The following KSR2 variants were observed in gnomAD, a reference collection of about 807,000 sequenced individuals.
KSR2 encodes kinase suppressor of ras 2.
In KSR2, 25 loss-of-function variants were observed where a neutral mutation model predicts 107.8. That is an observed-to-expected ratio of 0.23 (90% confidence interval 0.17 to 0.32). The LOEUF is 0.32. Among genes scored for constraint, KSR2 ranks in the 10% least tolerant of loss-of-function variants. KSR2 has a pLI of 1.00. For synonymous variants in KSR2, 480 were observed against 507.0 expected (o/e 0.95, Z 0.71); for missense variants, 887 against 1,268.9 (o/e 0.70, Z 4.57).
In KSR2 at chr12:117,942,942, G is replaced by A. The variant is rs116507887; in HGVS notation, c.180+25134C>T. On this transcript the variant is annotated intron_variant, in intron 1 of 19. Transcript: ENST00000339824. ...TCGTTCAACTCAATTATGCTTTACCGTATGCTGGAATGTTATATAGCCATT... is the reference window on the plus strand; with the variant it reads ...TCGTTCAACTCAATTATGCTTTACCATATGCTGGAATGTTATATAGCCATT... Among the ~76,000 whole-genome samples, 537 of 152,178 alleles carry A rather than the reference G, an allele frequency of 3.5e-3. 3 individuals carry two copies. Among genetic ancestry groups the A allele is most frequent in the African/African-American group, 0.012 (496 of 41,538 alleles).
At chr12:117,486,183 G>A (rs1185382447) in intron 14 of KSR2, among the ~76,000 whole-genome samples, 1 of 152,120 alleles carries the variant, frequency 6.6e-6, no homozygotes, top group Non-Finnish European at 1.5e-5. Flanking sequence ...GTTTGGACAG[G>A]GATGTGTAAA....
chr12:117,546,737 T>C (rs964354582), intron 9 of KSR2, among the ~76,000 whole-genome samples: 2 of 152,216 alleles, frequency 1.3e-5, no homozygotes, highest in Admixed American at 6.5e-5. Flanking sequence ...CTCTGCCCCA[T>C]CCAACTTGTT....
At chr12:117,653,234 G>A (rs2136440651) in intron 5 of KSR2, among the ~76,000 whole-genome samples, 1 of 152,378 alleles carries the variant, frequency 6.6e-6, no homozygotes, top group Admixed American at 6.5e-5. Flanking sequence ...TGCAGCTGCT[G>A]TACTTGTACC....
rs536519649 is a variant in KSR2, at chr12:117,640,970, G to A, written c.1171+26504C>T. On this transcript the variant is annotated intron_variant, in intron 5 of 19. Transcript: ENST00000339824. ...GCACGCCACTTGCTGAGTCAAGGCT[G>A]AAGACATGCCCCTGATAGACACTGT... Among the ~76,000 whole-genome samples the A allele has an allele frequency of 3.8e-3, 579 of 152,140 alleles. 2 individuals are homozygous for A. Among genetic ancestry groups the A allele is most frequent in the Non-Finnish European group, 6.6e-3 (447 of 68,036 alleles).
intron 4 of KSR2, among the ~76,000 whole-genome samples, chr12:117,672,221 C>T (rs1021690107): frequency 2.0e-5 from 3 of 152,316 alleles, no homozygotes; most frequent in East Asian, 3.9e-4. Flanking sequence ...CATCCATACA[C>T]GGACACAAAT....
At chr12:117,810,459 G>C (rs978220543) in intron 3 of KSR2, among the ~76,000 whole-genome samples, 2 of 152,122 alleles carry the variant, frequency 1.3e-5, no homozygotes, top group African/African-American at 4.8e-5. Flanking sequence ...TTACAGGCAG[G>C]CATCATCATG....
chr12:117,477,035 A>G (rs1402427570), intron 16 of KSR2, among the ~76,000 whole-genome samples: 1 of 152,220 alleles, frequency 6.6e-6, no homozygotes, highest in Admixed American at 6.5e-5. Context: ...TTTATTTTAC[A>G]TAATAGACTA....
At chr12:117,688,301 AC>A (rs1885666928) in intron 4 of KSR2, among the ~76,000 whole-genome samples, 1 of 151,890 alleles carries the variant, frequency 6.6e-6, no homozygotes, top group African/African-American at 2.4e-5. Context: ...AATCGCTTGA[AC>A]CCGGGAGGCG....
intron 13 of KSR2, among the ~76,000 whole-genome samples, chr12:117,525,998 G>T (rs1370456761): frequency 1.3e-5 from 2 of 152,198 alleles, no homozygotes; most frequent in Non-Finnish European, 2.9e-5. Flanking sequence ...TCATTGTAAA[G>T]TGGGGGTAAT....
At chr12:117,838,794 T>C (rs1279710513) in intron 3 of KSR2, among the ~76,000 whole-genome samples, 1 of 152,236 alleles carries the variant, frequency 6.6e-6, no homozygotes, top group African/African-American at 2.4e-5. Context: ...TAGACATGTA[T>C]GTATTTGTTT....
chr12:117,490,664 G>A lies in KSR2; in HGVS notation c.2220-4973C>T, dbSNP rs561557124. On this transcript the variant is annotated intron_variant, in intron 14 of 19. Transcript: ENST00000339824. ...TCCTGTCTCAGTCTCCCAAAGTGCT[G>A]GGATTACAGACATGAGCCGCTGCAC... is the stretch of plus-strand genomic sequence containing the variant. Among the ~76,000 whole-genome samples the A allele has an allele frequency of 2.0e-5, 3 of 152,214 alleles. No homozygotes were observed. The East Asian group carries it at 5.8e-4, about 29-fold the overall frequency.
At chr12:117,517,941 G>A in intron 14 of KSR2, 2 of 448,370 alleles carry the variant, frequency 4.5e-6, no homozygotes, top group South Asian at 1.6e-5. Context: ...CAGAAGGCAG[G>A]GTTCTCCATG....
At chr12:117,531,754 T>C in intron 10 of KSR2, 47 bp from the exon 11 acceptor site, 1 of 1,492,518 alleles carries the variant, frequency 6.7e-7, no homozygotes. Context: ...CAGGGAGACA[T>C]CGCTTCAGGG....
intron 5 of KSR2, among the ~76,000 whole-genome samples, chr12:117,661,076 G>A (rs1415023388): frequency 6.6e-6 from 1 of 152,206 alleles, no homozygotes; most frequent in Non-Finnish European, 1.5e-5. Context: ...ATCCTGCCAA[G>A]GACATCTAGC....
At chr12:117,750,616 T>G (rs1270747933) in intron 4 of KSR2, among the ~76,000 whole-genome samples, 1 of 152,218 alleles carries the variant, frequency 6.6e-6, no homozygotes, top group Non-Finnish European at 1.5e-5. Context: ...TTAATGAGCA[T>G]GGTACCCAGT....
chr12:117,537,955 C>T (rs1330978990), intron 10 of KSR2, among the ~76,000 whole-genome samples: 2 of 152,130 alleles, frequency 1.3e-5, no homozygotes, highest in East Asian at 1.9e-4. Flanking sequence ...ATAAAACGGC[C>T]CTTCCCCATC....
intron 4 of KSR2, among the ~76,000 whole-genome samples, chr12:117,668,310 C>T (rs753554509): frequency 2.0e-5 from 3 of 152,218 alleles, no homozygotes; most frequent in Non-Finnish European, 4.4e-5. Context: ...AGCCCACCCA[C>T]GGCTCTGTCT....
intron 1 of KSR2, among the ~76,000 whole-genome samples, chr12:117,894,111 G>A (rs1894434183): frequency 6.6e-6 from 1 of 151,994 alleles, no homozygotes; most frequent in African/African-American, 2.4e-5. Context: ...GGGTTTCACC[G>A]TGTTAGCAAG....
intron 1 of KSR2, among the ~76,000 whole-genome samples, chr12:117,898,868 T>TA (rs1188722780): frequency 6.6e-6 from 1 of 152,178 alleles, no homozygotes; most frequent in Non-Finnish European, 1.5e-5. Context: ...TTGTGAGATC[T>TA]AAAAATCAAA....
Sources: allele counts gnomAD v4.1 joint callset (sites outside exome capture counted in the v4.1 genomes callset), GRCh38; gene constraint gnomAD v4.1.1; transcripts MANE v1.5; gene names NCBI Gene and HGNC (gene_info 2026-07-23, HGNC 2026-07-21).